Variants in SPIDR observed in about 807,000 individuals in gnomAD.
The protein encoded by SPIDR is scaffold protein involved in DNA repair.
Under a neutral mutation model 104.6 loss-of-function variants are expected in SPIDR, and 93 were observed. The ratio of observed to expected loss-of-function variants is 0.89; its 90% CI spans 0.75 to 1.06. The LOEUF (loss-of-function observed/expected upper bound fraction) is 1.06, where lower values mean the gene tolerates loss of function less well. Among genes scored for constraint, SPIDR ranks in the 50% least tolerant of loss-of-function variants. SPIDR has a pLI of 0.00. For synonymous variants in SPIDR, 431 were observed against 416.9 expected, an observed-to-expected ratio of 1.03 and a Z score of -0.41; for missense variants, 1,154 against 1,111.2, an observed-to-expected ratio of 1.04 and a Z score of -0.55.
chr8:47,303,589 C>T (rs1258989003), intron 5 of SPIDR, among the ~76,000 whole-genome samples: 3 of 152,192 alleles, frequency 2.0e-5, no homozygotes, highest in Non-Finnish European at 4.4e-5. Context: ...CTTGGCTCCA[C>T]CCCTTTCCAT....
intron 7 of SPIDR, among the ~76,000 whole-genome samples, chr8:47,421,772 G>A (rs1006621537): frequency 2.0e-5 from 3 of 152,150 alleles, no homozygotes; most frequent in South Asian, 2.1e-4. Context: ...CGATGGTGAC[G>A]TACAGATGGG....
intron 8 of SPIDR, among the ~76,000 whole-genome samples, chr8:47,486,051 C>G (rs2077563540): frequency 6.6e-6 from 1 of 152,306 alleles, no homozygotes; most frequent in South Asian, 2.1e-4. Context: ...GATCAAACTT[C>G]TCTGAGCTAA....
At chr8:47,620,097 G>C (rs957004163) in intron 10 of SPIDR, among the ~76,000 whole-genome samples, 3 of 152,130 alleles carry the variant, frequency 2.0e-5, no homozygotes, top group Non-Finnish European at 4.4e-5. Flanking sequence ...AATAGAAAGC[G>C]TACTAGCAGG....
intron 6 of SPIDR, among the ~76,000 whole-genome samples, chr8:47,405,145 G>A (rs546930520): frequency 2.0e-5 from 3 of 152,128 alleles, no homozygotes; most frequent in Admixed American, 1.3e-4. Context: ...ATATGTAGGA[G>A]TTGAACGGTG....
intron 7 of SPIDR, among the ~76,000 whole-genome samples, chr8:47,411,786 A>G (rs1328708552): frequency 2.0e-5 from 3 of 152,136 alleles, no homozygotes; most frequent in African/African-American, 7.2e-5. Flanking sequence ...TTATGGTTTT[A>G]GGTCTAACAT....
intron 16 of SPIDR, among the ~76,000 whole-genome samples, chr8:47,718,819 G>C: frequency 6.6e-6 from 1 of 152,026 alleles, no homozygotes; most frequent in Non-Finnish European, 1.5e-5. Context: ...GGACGTGCAG[G>C]TTTGTTAAAT....
intron 11 of SPIDR, among the ~76,000 whole-genome samples, chr8:47,684,809 A>G (rs2077536641): frequency 6.6e-6 from 1 of 152,266 alleles, no homozygotes; most frequent in African/African-American, 2.4e-5. Flanking sequence ...TTTCCCAAGG[A>G]AGAATATAAA....
At chr8:47,421,932 G>T (rs1393098533) in intron 7 of SPIDR, among the ~76,000 whole-genome samples, 1 of 152,168 alleles carries the variant, frequency 6.6e-6, no homozygotes, top group Non-Finnish European at 1.5e-5. Flanking sequence ...AGCCAATATT[G>T]GTGAACAGCA....
At chr8:47,383,641 A>C (rs2059572150) in intron 5 of SPIDR, among the ~76,000 whole-genome samples, 1 of 152,196 alleles carries the variant, frequency 6.6e-6, no homozygotes, top group Non-Finnish European at 1.5e-5. Context: ...CTAAGAAAAT[A>C]GATTTAGAGC....
chr8:47,444,604 A>G (rs73565244), intron 8 of SPIDR, among the ~76,000 whole-genome samples: 2,763 of 152,222 alleles, frequency 0.018, 84 homozygotes, highest in African/African-American at 0.064. Context: ...GTTGCTTTCT[A>G]TTTTTAGCTG....
intron 10 of SPIDR, among the ~76,000 whole-genome samples, chr8:47,646,693 G>A (rs2070426298): frequency 6.6e-6 from 1 of 152,154 alleles, no homozygotes; most frequent in Non-Finnish European, 1.5e-5. Flanking sequence ...AATATATAGA[G>A]AGAAACTTTT....
At position 47,443,475 on chromosome 8, in the gene SPIDR, G is replaced by A. The variant is rs1230418666; in HGVS notation, c.1097+2933G>A. 7.3e-5 allele frequency among the ~76,000 whole-genome samples: 11 copies of A among 150,548 alleles called. No homozygotes were observed. In the Admixed American group the frequency reaches 7.3e-4, roughly 10 times the overall value. On this transcript the variant is annotated intron_variant, in intron 8 of 19. Coordinates refer to ENST00000297423, the MANE Select transcript of SPIDR (RefSeq NM_001080394.4). ...GGTCCCAGCTACTCGGGAGGCAAAG[G>A]TGAAAGAATCGCTTGAGCCCAGGAG...
intron 7 of SPIDR, among the ~76,000 whole-genome samples, chr8:47,434,578 G>A (rs1213220562): frequency 1.3e-5 from 2 of 152,192 alleles, no homozygotes; most frequent in African/African-American, 2.4e-5. Context: ...CAACAATTAT[G>A]TTATGAAAAG....
chr8:47,272,903 A>G (rs1411588465), intron 1 of SPIDR, among the ~76,000 whole-genome samples: 5 of 152,214 alleles, frequency 3.3e-5, no homozygotes, highest in Admixed American at 2.6e-4. Flanking sequence ...ACCACAGTCT[A>G]CATATGCAAC....
intron 8 of SPIDR, among the ~76,000 whole-genome samples, chr8:47,555,943 A>T (rs374359022): frequency 6.6e-6 from 1 of 152,232 alleles, no homozygotes; most frequent in African/African-American, 2.4e-5. Context: ...CAGGGTTGTT[A>T]TGGGAACTAA....
rs797038199 is a variant in SPIDR at position 47,471,110 on chromosome 8, T to C, written c.1097+30568T>C. Among the ~76,000 whole-genome samples the C allele has an allele frequency of 3.3e-5, 5 of 152,292 alleles. No homozygotes were observed. The East Asian group carries it at 5.8e-4, about 18-fold the overall frequency. On this transcript the variant is annotated intron_variant, in intron 8 of 19. Coordinates refer to ENST00000297423, the MANE Select transcript of SPIDR (RefSeq NM_001080394.4). ...GGGAATGTCTTGATGACACTGCGTT[T>C]GGCAGTGATTTCTTGGATATGACAC...
chr8:47,673,709 A>G, intron 10 of SPIDR, 92 bp from the exon 11 acceptor site: 4 of 1,539,210 alleles, frequency 2.6e-6, no homozygotes, highest in Non-Finnish European at 3.6e-6. Flanking sequence ...ACAGCAGTAT[A>G]TAGTGGCTTT....
chr8:47,445,886 G>T (rs2154346010), intron 8 of SPIDR, among the ~76,000 whole-genome samples: 1 of 152,300 alleles, frequency 6.6e-6, no homozygotes, highest in South Asian at 2.1e-4. Flanking sequence ...TTTGAAGTCT[G>T]AGAGAGGTGA....
chr8:47,539,628 A>G (rs1290080097), intron 8 of SPIDR, among the ~76,000 whole-genome samples: 1 of 151,856 alleles, frequency 6.6e-6, no homozygotes, highest in Admixed American at 6.6e-5. Flanking sequence ...TGTTTTTCTA[A>G]TCCACTCATG....
Sources: allele counts gnomAD v4.1 joint callset (sites outside exome capture counted in the v4.1 genomes callset), GRCh38; gene constraint gnomAD v4.1.1; transcripts MANE v1.5; gene names NCBI Gene and HGNC (gene_info 2026-07-23, HGNC 2026-07-21).